Variants in ZEB1 observed in about 807,000 individuals in gnomAD.
The protein encoded by ZEB1 is zinc finger E-box-binding homeobox 1.
A neutral mutation model predicts 84.9 loss-of-function variants in ZEB1; 21 were observed. That is an observed-to-expected ratio of 0.25 (90% confidence interval 0.18 to 0.36). The LOEUF is 0.36. Among genes scored for constraint, ZEB1 ranks in the 10% least tolerant of loss-of-function variants. The pLI, the probability that ZEB1 is intolerant of heterozygous loss-of-function variation, is 1.00. For missense variants in ZEB1, 1,104 were observed against 1,330.2 expected (o/e 0.83, Z 2.65); for synonymous variants, 420 against 471.1 (o/e 0.89, Z 1.41).
At chr10:31,379,854 T>A (rs1448953831) in intron 1 of ZEB1, among the ~76,000 whole-genome samples, 1 of 152,126 alleles carries the variant, frequency 6.6e-6, no homozygotes, top group East Asian at 1.9e-4. Flanking sequence ...TCCTCAACTA[T>A]TTTTAAAGTA....
At chr10:31,321,552 G>A (rs1455500433) in intron 1 of ZEB1, 1 of 1,614,034 alleles carries the variant, frequency 6.2e-7, no homozygotes, top group South Asian at 1.1e-5. Context: ...TTCGGAAAGA[G>A]CTGTTCGCTT....
At chr10:31,424,010 T>C (rs2056584926) in intron 1 of ZEB1, among the ~76,000 whole-genome samples, 1 of 152,038 alleles carries the variant, frequency 6.6e-6, no homozygotes, top group South Asian at 2.1e-4. Flanking sequence ...TTGCTTTTGT[T>C]TTTTTGTTGT....
chr10:31,360,113 A>C (rs1027988382), intron 1 of ZEB1, among the ~76,000 whole-genome samples: 2 of 152,178 alleles, frequency 1.3e-5, no homozygotes, highest in African/African-American at 2.4e-5. Context: ...TCAATGAGTA[A>C]AGTACTTGGA....
At chr10:31,448,241 C>T (rs1487608485) in intron 1 of ZEB1, among the ~76,000 whole-genome samples, 3 of 128,810 alleles carry the variant, frequency 2.3e-5, no homozygotes, top group African/African-American at 9.9e-5. Context: ...ACGTAGTTCT[C>T]GAGCCTTGGT....
intron 2 of ZEB1, 36 bp downstream of exon 2, chr10:31,461,273 A>C: frequency 9.3e-5 from 144 of 1,556,496 alleles, no homozygotes; most frequent in Non-Finnish European, 1.2e-4. Context: ...TTGTATTCTC[A>C]TGATTCGTTT....
At chr10:31,432,538 G>A (rs2057839830) in intron 1 of ZEB1, among the ~76,000 whole-genome samples, 1 of 152,178 alleles carries the variant, frequency 6.6e-6, no homozygotes, top group African/African-American at 2.4e-5. Context: ...GCAATGAGCT[G>A]TGATCATGCC....
intron 1 of ZEB1, among the ~76,000 whole-genome samples, chr10:31,449,947 C>A (rs1289614050): frequency 6.6e-6 from 1 of 152,132 alleles, no homozygotes; most frequent in African/African-American, 2.4e-5. Flanking sequence ...GAAACTGAGA[C>A]ATTAGAAGAA....
intron 1 of ZEB1, among the ~76,000 whole-genome samples, chr10:31,382,384 A>T (rs1225688521): frequency 1.3e-5 from 2 of 152,168 alleles, no homozygotes; most frequent in Non-Finnish European, 2.9e-5. Context: ...TACTGAACAA[A>T]TAAGCTTGTT....
At chr10:31,431,636 T>C (rs763741057) in intron 1 of ZEB1, among the ~76,000 whole-genome samples, 91 of 152,288 alleles carry the variant, frequency 6.0e-4, no homozygotes, top group Middle Eastern at 3.4e-3. Flanking sequence ...ACAAAGGCCA[T>C]ACAGAAAATA....
chr10:31,459,638 CTT>C (rs1276920200), intron 1 of ZEB1, among the ~76,000 whole-genome samples: 3 of 151,932 alleles, frequency 2.0e-5, no homozygotes, highest in Non-Finnish European at 1.5e-5. Flanking sequence ...CATAACAAAA[CTT>C]GACGTTTTTC....
At chr10:31,480,024 C>T (rs2064831888) in intron 2 of ZEB1, among the ~76,000 whole-genome samples, 1 of 151,926 alleles carries the variant, frequency 6.6e-6, no homozygotes, top group South Asian at 2.1e-4. Flanking sequence ...ACTTTTGAAA[C>T]ACCTGTCTTA....
intron 1 of ZEB1, among the ~76,000 whole-genome samples, chr10:31,394,675 G>A (rs2050369843): frequency 6.6e-6 from 1 of 152,174 alleles, no homozygotes; most frequent in African/African-American, 2.4e-5. Flanking sequence ...TTACGATTAT[G>A]AGATTTATCC....
intron 1 of ZEB1, among the ~76,000 whole-genome samples, chr10:31,340,565 T>C (rs1168923416): frequency 1.3e-5 from 2 of 150,168 alleles, no homozygotes; most frequent in Non-Finnish European, 2.9e-5. Context: ...AATAGTGTGA[T>C]GTTACAAACA....
intron 1 of ZEB1, chr10:31,362,854 A>G (rs556462441): frequency 8.6e-7 from 1 of 1,158,470 alleles, no homozygotes; most frequent in African/African-American, 1.5e-5. Flanking sequence ...CCTCCTAAGC[A>G]ACTGTCTTAG....
intron 1 of ZEB1, among the ~76,000 whole-genome samples, chr10:31,412,899 A>T (rs1395309534): frequency 6.6e-6 from 1 of 152,184 alleles, no homozygotes; most frequent in Non-Finnish European, 1.5e-5. Flanking sequence ...AGTATAACTA[A>T]CTGAGAGAGA....
In ZEB1 at chr10:31,387,726, C is replaced by T. The variant is rs2048882812; in HGVS notation, c.58+68434C>T. 7.1e-6 allele frequency: 7 copies of T among 983,912 alleles called. No individual in the cohort carries two copies. In the South Asian group the frequency reaches 2.8e-4, roughly 40 times the overall value. 60.9% of individuals were successfully genotyped at this position (983,912 alleles called of 1,614,324 possible). ...TATCTTATCTTTACTTCAGGGAAAG[C>T]CCCTCAAACCATTTTGTATTCTGTA... On this transcript the variant is annotated intron_variant, in intron 1 of 8. Coordinates refer to ENST00000424869, the MANE Select transcript of ZEB1 (RefSeq NM_001174096.2).
intron 1 of ZEB1, among the ~76,000 whole-genome samples, chr10:31,349,308 A>C (rs998174652): frequency 3.3e-5 from 5 of 152,166 alleles, no homozygotes; most frequent in Non-Finnish European, 7.3e-5. Context: ...CATTCTCTCT[A>C]TCAGTTCATC....
intron 1 of ZEB1, among the ~76,000 whole-genome samples, chr10:31,410,214 A>C (rs971208647): frequency 3.3e-5 from 5 of 152,338 alleles, no homozygotes; most frequent in Admixed American, 2.0e-4. Flanking sequence ...AGTTTTTGGC[A>C]TGAACGGGTG....
chr10:31,344,072 T>C (rs950680846), intron 1 of ZEB1, among the ~76,000 whole-genome samples: 5 of 152,116 alleles, frequency 3.3e-5, no homozygotes, highest in African/African-American at 1.2e-4. Context: ...ACAGCCTCAC[T>C]GGATCCTGGT....
Sources: gnomAD v4.1 joint callset for allele counts (sites outside exome capture counted in the v4.1 genomes callset) on GRCh38, gnomAD v4.1.1 for gene constraint, MANE v1.5 for transcripts, NCBI Gene and HGNC (gene_info 2026-07-23, HGNC 2026-07-21) for gene names.